Variants in ST8SIA2 observed in about 807,000 individuals in gnomAD.
The protein encoded by ST8SIA2 is alpha-2,8-sialyltransferase 8B.
Under a neutral mutation model 37.6 loss-of-function variants are expected in ST8SIA2, and 22 were observed. That is an observed-to-expected ratio of 0.58 (90% CI 0.42 to 0.83). The LOEUF is 0.83. ST8SIA2 is among the 40% of genes least tolerant of loss of function. The probability of loss-of-function intolerance (pLI) is 0.00; values close to 1 mark genes in which losing one functional copy is unlikely to be tolerated. For missense variants in ST8SIA2, 382 were observed against 484.7 expected (o/e 0.79, Z 1.99); for synonymous variants, 205 against 201.2 (o/e 1.02, Z -0.16).
At chr15:92,442,704 C>T (rs768364398) in intron 4 of ST8SIA2, among the ~76,000 whole-genome samples, 11 of 152,206 alleles carry the variant, frequency 7.2e-5, no homozygotes, top group Non-Finnish European at 1.0e-4. Flanking sequence ...GTCTCTGAGG[C>T]CTGTGGCAAG....
chr15:92,451,506 C>T (rs979887424), intron 5 of ST8SIA2, among the ~76,000 whole-genome samples: 1 of 152,182 alleles, frequency 6.6e-6, no homozygotes, highest in South Asian at 2.1e-4. Context: ...TTGAATGTGC[C>T]TTTGGTTTCG....
At chr15:92,401,790 G>C (rs1339313602) in intron 1 of ST8SIA2, among the ~76,000 whole-genome samples, 2 of 151,704 alleles carry the variant, frequency 1.3e-5, no homozygotes, top group Non-Finnish European at 2.9e-5. Flanking sequence ...TAAGGTTCAG[G>C]GAAACAATTC....
chr15:92,409,860 C>T lies in ST8SIA2; in HGVS notation c.98+15698C>T, dbSNP rs534128498. ...AAGCTGTGTGTGAGCAAAGTGCATCCGATCCATTTTACAGGTGCTTACAAG... is the reference window on the plus strand; with the variant it reads ...AAGCTGTGTGTGAGCAAAGTGCATCTGATCCATTTTACAGGTGCTTACAAG... On this transcript the variant is annotated intron_variant, in intron 1 of 5. Transcript: ENST00000268164. Among the ~76,000 whole-genome samples, 10 of 152,338 alleles carry T rather than the reference C, an allele frequency of 6.6e-5. No individual in the cohort carries two copies. In the South Asian group the frequency reaches 1.5e-3, roughly 22 times the overall value.
intron 5 of ST8SIA2, among the ~76,000 whole-genome samples, chr15:92,448,881 T>C (rs946425078): frequency 3.9e-5 from 6 of 152,094 alleles, no homozygotes; most frequent in African/African-American, 1.4e-4. Context: ...TGCAAAATAA[T>C]CTTGTTTCCT....
chr15:92,411,726 A>G (rs777887223), intron 1 of ST8SIA2, among the ~76,000 whole-genome samples: 3 of 152,162 alleles, frequency 2.0e-5, no homozygotes, highest in Non-Finnish European at 4.4e-5. Flanking sequence ...AGTCACCTCA[A>G]TGGTGGGCAG....
intron 1 of ST8SIA2, among the ~76,000 whole-genome samples, chr15:92,408,940 A>AGG (rs1448147622): frequency 1.3e-5 from 2 of 152,006 alleles, no homozygotes; most frequent in African/African-American, 4.8e-5. Flanking sequence ...TCCTGACCTC[A>AGG]TGATCCGCCC....
At chr15:92,421,529 C>A (rs2049634042) in intron 1 of ST8SIA2, among the ~76,000 whole-genome samples, 1 of 152,180 alleles carries the variant, frequency 6.6e-6, no homozygotes. Context: ...CTCATGTGAT[C>A]TTTACAATGA....
At chr15:92,433,169 G>A (rs2049729394) in intron 2 of ST8SIA2, among the ~76,000 whole-genome samples, 1 of 152,020 alleles carries the variant, frequency 6.6e-6, no homozygotes, top group Non-Finnish European at 1.5e-5. Flanking sequence ...GGAGCGTCAG[G>A]TTTAGAACTC....
intron 3 of ST8SIA2, among the ~76,000 whole-genome samples, chr15:92,437,646 G>A (rs574793342): frequency 1.4e-4 from 22 of 152,066 alleles, no homozygotes; most frequent in East Asian, 3.9e-4. Context: ...CCATCCTCTC[G>A]GTGTCTCAAA....
At chr15:92,454,916 C>T (rs1321158679) in intron 5 of ST8SIA2, among the ~76,000 whole-genome samples, 5 of 151,960 alleles carry the variant, frequency 3.3e-5, no homozygotes, top group Non-Finnish European at 7.4e-5. Context: ...GACGGTGGCC[C>T]CTCAGGCAGG....
chr15:92,410,306 C>T (rs2049539818), intron 1 of ST8SIA2, among the ~76,000 whole-genome samples: 1 of 152,226 alleles, frequency 6.6e-6, no homozygotes, highest in African/African-American at 2.4e-5. Context: ...CACCTACCAC[C>T]TGCTCTACAT....
At chr15:92,407,480 G>T (rs1439739366) in intron 1 of ST8SIA2, among the ~76,000 whole-genome samples, 3 of 152,226 alleles carry the variant, frequency 2.0e-5, no homozygotes, top group Admixed American at 1.3e-4. Context: ...GTGTCATTAA[G>T]CCCTCCAATG....
chr15:92,434,288 T>G lies in ST8SIA2; in HGVS notation c.203T>G (p.Val68Gly), dbSNP rs539864468. Residue 68 changes from valine (V) to glycine (G), a missense_variant, in exon 3 of 6, where the codon GTT (valine) becomes GGT (glycine). Transcript: ENST00000268164. The stretch of plus-strand genomic sequence containing the variant: ...AACGGCTCCTCATCACCAGCTGTTG[T>G]TGACAGAAGTAATGAAAGCATCAAG... ...VINGSSSPAVVDRSNESIKHN... is the reference protein window; with the variant it reads ...VINGSSSPAVGDRSNESIKHN... 1 of 1,614,170 alleles carries G rather than the reference T, an allele frequency of 6.2e-7. No individual in the cohort carries two copies. The highest frequency in any genetic ancestry group is 1.1e-5 in the South Asian group (1 of 91,076).
At chr15:92,454,768 G>A (rs374176508) in intron 5 of ST8SIA2, among the ~76,000 whole-genome samples, 4 of 151,898 alleles carry the variant, frequency 2.6e-5, no homozygotes, top group Admixed American at 6.5e-5. Context: ...GGGGTGGCAC[G>A]GAGCCCTGGC....
rs766684400 is a variant in ST8SIA2, at chr15:92,438,519, C to T, written c.457C>T (p.His153Tyr). ...CAGGACTTCGCCACTGAAGAATAAG[C>T]ACTTTGGGACTTGTGCCATCGTGGG... ...LPRTSPLKNKHFGTCAIVGNS... is the reference protein window; with the variant it reads ...LPRTSPLKNKYFGTCAIVGNS... Residue 153 changes from histidine (H) to tyrosine (Y), a missense_variant, in exon 4 of 6, where the codon CAC (histidine) becomes TAC (tyrosine). His to Tyr is a moderately conservative substitution (Grantham distance 83, BLOSUM62 2). Transcript: ENST00000268164. 2.7e-5 allele frequency: 44 copies of T among 1,614,090 alleles called. No individual in the cohort carries two copies. The highest frequency in any genetic ancestry group is 3.5e-5 in the Non-Finnish European group (41 of 1,180,050).
intron 4 of ST8SIA2, among the ~76,000 whole-genome samples, chr15:92,443,362 C>T: frequency 6.6e-6 from 1 of 152,314 alleles, no homozygotes; most frequent in Admixed American, 6.5e-5. Flanking sequence ...GGTGTGCACA[C>T]CCAGGCCGGG....
intron 1 of ST8SIA2, among the ~76,000 whole-genome samples, chr15:92,417,961 G>A (rs1181858176): frequency 6.6e-6 from 1 of 151,994 alleles, no homozygotes; most frequent in Non-Finnish European, 1.5e-5. Flanking sequence ...AATTCTCTGG[G>A]GCCTCCTCGA....
In ST8SIA2 at chr15:92,408,195, C is replaced by A. The variant is rs184109040; in HGVS notation, c.98+14033C>A. ...TATGAATGATTCAAACAGTGTCCAA[C>A]AACCCTCCTCCAAGAGAGGGTGGTC... On this transcript the variant is annotated intron_variant, in intron 1 of 5. Transcript: ENST00000268164. 5.9e-5 allele frequency among the ~76,000 whole-genome samples: 9 copies of A among 152,298 alleles called. No individual in the cohort carries two copies. In the East Asian group the frequency reaches 1.7e-3, roughly 29 times the overall value.
At chr15:92,458,415 T>C (rs2049934280) in intron 5 of ST8SIA2, among the ~76,000 whole-genome samples, 1 of 152,152 alleles carries the variant, frequency 6.6e-6, no homozygotes, top group South Asian at 2.1e-4. Context: ...GAGATGTTTG[T>C]TGAGTGCTGC....
Sources: gnomAD v4.1 joint callset for allele counts (sites outside exome capture counted in the v4.1 genomes callset) on GRCh38, gnomAD v4.1.1 for gene constraint, MANE v1.5 for transcripts, NCBI Gene and HGNC (gene_info 2026-07-23, HGNC 2026-07-21) for gene names.